RMDN3: variants seen among roughly 807,000 people sequenced by gnomAD.
The protein encoded by RMDN3 is regulator of microtubule dynamics 3.
RMDN3 carries 41 observed loss-of-function variants against 61.8 expected under a neutral mutation model. That is an observed-to-expected ratio of 0.66 (90% CI 0.52 to 0.86). RMDN3 has a LOEUF of 0.86. Ranked by LOEUF, RMDN3 falls within the 40% of genes least tolerant of loss-of-function variation. The pLI is 0.00. For missense variants in RMDN3, 557 were observed against 585.3 expected, an observed-to-expected ratio of 0.95 and a Z score of 0.50; for synonymous variants, 247 against 232.0, an observed-to-expected ratio of 1.06 and a Z score of -0.59.
rs758022178 is a variant in RMDN3, at chr15:40,754,740, C to T, written c.44G>A (p.Gly15Glu). The T allele has an allele frequency of 1.2e-6, 2 of 1,612,876 alleles. No homozygotes were observed. ...GCCGGCGGCGGTACCCAGCAACAGT[C>T]CCAGCCCGGCACGGGCACCACCCAG... ...GALGGARAGL[G>E]LLLGTAAGLG... is the part of the protein sequence containing the mutation. The change falls in exon 2 of 13, where the codon GGA becomes GAA. Residue 15 changes from glycine (G) to glutamate (E), a missense_variant. Coordinates refer to ENST00000338376, the MANE Select transcript of RMDN3 (RefSeq NM_018145.3).
intron 6 of RMDN3, among the ~76,000 whole-genome samples, chr15:40,742,224 T>C (rs558406893): frequency 1.6e-3 from 171 of 107,142 alleles, no homozygotes; most frequent in African/African-American, 4.9e-3. Context: ...CCCAGGCTAG[T>C]CTCTAACTCC....
chr15:40,749,800 G>A (rs1375535553), intron 4 of RMDN3, among the ~76,000 whole-genome samples: 1 of 152,152 alleles, frequency 6.6e-6, no homozygotes, highest in African/African-American at 2.4e-5. Flanking sequence ...TTGGCCCAGA[G>A]CCATTTAGGT....
At position 40,737,815 on chromosome 15, in the gene RMDN3, AC is replaced by A; in HGVS notation, c.1126-90del. On this transcript the variant is annotated intron_variant, in intron 9 of 12. Coordinates refer to ENST00000338376, the MANE Select transcript of RMDN3 (RefSeq NM_018145.3). ...GGGGATATATTGAAAATAGGGTCAA[AC>A]GGGGCTGGGTCGAACCACCAATAAT... 9 of 1,495,586 alleles carry A rather than the reference AC, an allele frequency of 6.0e-6. No individual in the cohort carries two copies. In the South Asian group the frequency reaches 1.0e-4, roughly 17 times the overall value. 92.6% of individuals were successfully genotyped at this position (1,495,586 alleles called of 1,614,324 possible).
At chr15:40,751,635 A>G (rs756698025) in intron 3 of RMDN3, 66 bp from the exon 4 acceptor site, 127 of 1,603,570 alleles carry the variant, frequency 7.9e-5, no homozygotes, top group Middle Eastern at 4.9e-4. Flanking sequence ...TCTGCTCACC[A>G]TGGGGTGCCT....
At chr15:40,743,176 T>A (rs907211239) in intron 6 of RMDN3, among the ~76,000 whole-genome samples, 1 of 152,188 alleles carries the variant, frequency 6.6e-6, no homozygotes, top group Non-Finnish European at 1.5e-5. Flanking sequence ...ATCCCAGCAC[T>A]TTGGGAGGCC....
chr15:40,754,599 T>C lies in RMDN3; in HGVS notation c.185A>G (p.His62Arg), dbSNP rs1057301564. 2.9e-5 allele frequency: 47 copies of C among 1,610,598 alleles called. 1 individual carries two copies. Among genetic ancestry groups the C allele is most frequent in the Non-Finnish European group, 3.8e-5 (45 of 1,177,912 alleles). The change falls in exon 2 of 13, where the codon CAC (histidine) becomes CGC (arginine). Residue 62 changes from histidine to arginine, a missense_variant and splice_region_variant. By Grantham distance (29) the His-to-Arg change is conservative. Coordinates refer to ENST00000338376, the MANE Select transcript of RMDN3 (RefSeq NM_018145.3). ...GGTCTCAGGAGACGGGCTCCTACCG[T>C]GGCGTCCGGGATCTGAAGTCTGCGT... ...DYTQTSDPGR[H>R]VMLLRAVPGG...
chr15:40,738,151 C>T (rs925740516), intron 8 of RMDN3, 109 bp from the exon 9 acceptor site: 1 of 1,163,870 alleles, frequency 8.6e-7, no homozygotes, highest in East Asian at 2.4e-5. Context: ...CTTTGGGAAG[C>T]TGAGGCAGGT....
intron 5 of RMDN3, 93 bp downstream of exon 5, chr15:40,744,884 A>G: frequency 3.7e-6 from 5 of 1,333,784 alleles, no homozygotes; most frequent in Non-Finnish European, 5.1e-6. Flanking sequence ...TTGTAGGGGC[A>G]GTAACCACAC....
intron 2 of RMDN3, 115 bp from the exon 3 acceptor site, chr15:40,752,293 C>T (rs1257060339): frequency 5.7e-6 from 6 of 1,052,704 alleles, no homozygotes; most frequent in Non-Finnish European, 8.2e-6. Flanking sequence ...CCCAGTGACG[C>T]TCAGATAGCA....
At chr15:40,744,863 C>T in intron 5 of RMDN3, 114 bp downstream of exon 5, 1 of 1,159,262 alleles carries the variant, frequency 8.6e-7, no homozygotes, top group South Asian at 1.6e-5. Flanking sequence ...CATTTCTCGT[C>T]CCATGTCACC....
chr15:40,753,638 T>C (rs1056290674), intron 2 of RMDN3, among the ~76,000 whole-genome samples: 7 of 152,254 alleles, frequency 4.6e-5, no homozygotes, highest in African/African-American at 1.4e-4. Context: ...CTGCAAGAAC[T>C]ACTCATTTCA....
chr15:40,744,120 G>A lies in RMDN3; in HGVS notation c.837C>T (p.Arg279=). The change falls in exon 6 of 13, where the codon CGC becomes CGT. Residue 279 remains arginine (R), a synonymous_variant. Coordinates refer to ENST00000338376, the MANE Select transcript of RMDN3 (RefSeq NM_018145.3). The part of the protein sequence containing the change: ...VYGSRQDFLW[R]LARAYSDMCE... ...ACATGTCACTGTAGGCTCGGGCCAG[G>A]CGCCAGAGAAAGTCCTGCCGGCTTC... 1.2e-6 allele frequency: 2 copies of A among 1,613,574 alleles called. No homozygotes were observed. Among genetic ancestry groups the A allele is most frequent in the Non-Finnish European group, 1.7e-6 (2 of 1,180,030 alleles).
intron 7 of RMDN3, 58 bp from the exon 8 acceptor site, chr15:40,738,634 G>T: frequency 6.4e-7 from 1 of 1,551,762 alleles, no homozygotes; most frequent in East Asian, 2.2e-5. Flanking sequence ...TGCAAGGAAT[G>T]GATGCCCCAA....
At chr15:40,754,924 G>A (rs1174306432) in intron 1 of RMDN3, 134 bp from the exon 2 acceptor site, 1 of 716,008 alleles carries the variant, frequency 1.4e-6, no homozygotes, top group Non-Finnish European at 2.3e-6. Flanking sequence ...CCCAAACCCT[G>A]AGCTCTCGAC....
At chr15:40,746,911 G>A (rs1167762214) in intron 4 of RMDN3, among the ~76,000 whole-genome samples, 1 of 151,796 alleles carries the variant, frequency 6.6e-6, no homozygotes, top group Admixed American at 6.6e-5. Flanking sequence ...AAATCAAAGG[G>A]ACAAGGATAA....
chr15:40,754,001 C>T (rs189469986), intron 2 of RMDN3, among the ~76,000 whole-genome samples: 1 of 152,316 alleles, frequency 6.6e-6, no homozygotes, highest in Admixed American at 6.5e-5. Context: ...TCACCCAACA[C>T]TAAGCAAGTG....
intron 6 of RMDN3, 79 bp downstream of exon 6, chr15:40,743,968 C>G (rs1897383602): frequency 8.0e-7 from 1 of 1,256,940 alleles, no homozygotes; most frequent in South Asian, 1.4e-5. Flanking sequence ...TTGGTGGTTC[C>G]CCGGGTCCCC....
chr15:40,754,479 A>C lies in RMDN3; in HGVS notation c.187+118T>G, dbSNP rs1240940424. ...CTGCTTTTTCAACAAGCTTCCAAAA[A>C]AGTGAAACCCTAAAGCACTTCTCTC... On this transcript the variant is annotated intron_variant, in intron 2 of 12. Coordinates refer to ENST00000338376, the MANE Select transcript of RMDN3 (RefSeq NM_018145.3). 2.8e-6 allele frequency: 3 copies of C among 1,061,282 alleles called. No homozygotes were observed. In the East Asian group the frequency reaches 9.0e-5, roughly 32 times the overall value. 65.7% of individuals were successfully genotyped at this position (1,061,282 alleles called of 1,614,324 possible).
intron 6 of RMDN3, among the ~76,000 whole-genome samples, chr15:40,743,315 G>A (rs1897355144): frequency 6.6e-6 from 1 of 152,102 alleles, no homozygotes; most frequent in Non-Finnish European, 1.5e-5. Flanking sequence ...CAGCTACTGG[G>A]GAGGCTGAGG....
Sources: allele counts gnomAD v4.1 joint callset (sites outside exome capture counted in the v4.1 genomes callset), GRCh38; gene constraint gnomAD v4.1.1; transcripts MANE v1.5; gene names NCBI Gene and HGNC (gene_info 2026-07-23, HGNC 2026-07-21).